Variants in TENM4 observed in about 807,000 individuals in gnomAD.
TENM4 encodes teneurin transmembrane protein 4.
A neutral mutation model predicts 243.3 loss-of-function variants in TENM4; 82 were observed. That is an observed-to-expected ratio of 0.34 (90% confidence interval 0.28 to 0.40). The LOEUF (loss-of-function observed/expected upper bound fraction) is 0.40. Among genes scored for constraint, TENM4 ranks in the 10% least tolerant of loss-of-function variants. The pLI, the probability that TENM4 is intolerant of heterozygous loss-of-function variation, is 1.00. For missense variants in TENM4, 3,138 were observed against 3,673.3 expected, an observed-to-expected ratio of 0.85 and a Z score of 3.77; for synonymous variants, 1,412 against 1,456.3, an observed-to-expected ratio of 0.97 and a Z score of 0.69.
chr11:79,279,531 A>G (rs1043402990), intron 2 of TENM4, among the ~76,000 whole-genome samples: 6 of 152,138 alleles, frequency 3.9e-5, no homozygotes, highest in African/African-American at 7.2e-5. Context: ...TGGTCTCTCT[A>G]TATGCCTCTC....
intron 1 of TENM4, among the ~76,000 whole-genome samples, chr11:79,409,741 A>G (rs1471514633): frequency 6.6e-6 from 1 of 152,206 alleles, no homozygotes; most frequent in East Asian, 1.9e-4. Flanking sequence ...CAAGTCAGAC[A>G]CATATTTCTC....
chr11:78,684,381 A>G lies in TENM4; in HGVS notation c.5260+3673T>C, dbSNP rs529809291. Among the ~76,000 whole-genome samples the G allele has an allele frequency of 1.5e-3, 222 of 152,362 alleles. 1 individual carries two copies. The highest frequency in any genetic ancestry group is 5.1e-3 in the African/African-American group (211 of 41,582). On this transcript the variant is annotated intron_variant, in intron 29 of 33. Coordinates refer to ENST00000278550, the MANE Select transcript of TENM4 (RefSeq NM_001098816.3). ...CTGAGGATTGAGTGAGATCATGAAT[A>G]TGAAGAGCTGAGAACTGTACTTGGC... is the stretch of plus-strand genomic sequence containing the variant.
At chr11:79,004,850 G>C (rs1229344333) in intron 6 of TENM4, among the ~76,000 whole-genome samples, 5 of 146,350 alleles carry the variant, frequency 3.4e-5, no homozygotes, top group Non-Finnish European at 7.5e-5. Flanking sequence ...CAAGCTGCTA[G>C]CTAGGCTAAT....
chr11:79,340,439 C>T (rs1170309040), intron 1 of TENM4, among the ~76,000 whole-genome samples: 3 of 152,124 alleles, frequency 2.0e-5, no homozygotes, highest in Non-Finnish European at 4.4e-5. Context: ...CAGACATACA[C>T]ACTACAAGCT....
chr11:79,343,240 A>T (rs1241305733), intron 1 of TENM4, among the ~76,000 whole-genome samples: 1 of 152,244 alleles, frequency 6.6e-6, no homozygotes, highest in East Asian at 1.9e-4. Context: ...GGTGCTTCAC[A>T]TGCATTATGG....
chr11:78,719,439 C>T (rs1024075876), intron 25 of TENM4, among the ~76,000 whole-genome samples: 1 of 152,150 alleles, frequency 6.6e-6, no homozygotes, highest in Non-Finnish European at 1.5e-5. Flanking sequence ...ACAATTATTA[C>T]ATGAATAATG....
intron 33 of TENM4, among the ~76,000 whole-genome samples, chr11:78,659,567 T>C (rs1857981380): frequency 6.6e-6 from 1 of 152,130 alleles, no homozygotes; most frequent in African/African-American, 2.4e-5. Flanking sequence ...TGCCGTCAGA[T>C]GGAGGATTGG....
intron 15 of TENM4, among the ~76,000 whole-genome samples, chr11:78,799,826 G>A (rs909233711): frequency 6.6e-6 from 1 of 152,212 alleles, no homozygotes; most frequent in Non-Finnish European, 1.5e-5. Context: ...TATTGCTTCT[G>A]TGAGCCAGCA....
chr11:78,925,056 A>G (rs1856525223), intron 6 of TENM4, among the ~76,000 whole-genome samples: 1 of 152,190 alleles, frequency 6.6e-6, no homozygotes, highest in African/African-American at 2.4e-5. Flanking sequence ...TACAAACCCT[A>G]GTTTCTTTCT....
intron 3 of TENM4, among the ~76,000 whole-genome samples, chr11:79,180,765 G>T (rs914082422): frequency 6.6e-6 from 1 of 151,272 alleles, no homozygotes; most frequent in African/African-American, 2.4e-5. Flanking sequence ...GATCCCTTGA[G>T]CCTAAGAGCT....
At chr11:78,977,181 A>G (rs1350242726) in intron 6 of TENM4, among the ~76,000 whole-genome samples, 2 of 152,146 alleles carry the variant, frequency 1.3e-5, no homozygotes, top group Non-Finnish European at 2.9e-5. Context: ...TTATCATCAC[A>G]TGTGTGCTCC....
At chr11:79,267,631 C>T (rs1177387319) in intron 2 of TENM4, among the ~76,000 whole-genome samples, 1 of 152,062 alleles carries the variant, frequency 6.6e-6, no homozygotes, top group Admixed American at 6.5e-5. Context: ...TCATCTTTAC[C>T]TCCATGGTAT....
intron 2 of TENM4, among the ~76,000 whole-genome samples, chr11:79,262,590 A>G (rs1344340840): frequency 1.3e-5 from 2 of 152,216 alleles, no homozygotes; most frequent in Non-Finnish European, 2.9e-5. Flanking sequence ...TACAGCAAGA[A>G]GAGATGCTTC....
intron 1 of TENM4, among the ~76,000 whole-genome samples, chr11:79,358,321 C>T (rs1445181024): frequency 6.6e-6 from 1 of 152,188 alleles, no homozygotes; most frequent in Non-Finnish European, 1.5e-5. Flanking sequence ...AATATTACAT[C>T]TTGTTGATCA....
chr11:78,879,214 A>G (rs1195610916), intron 9 of TENM4, among the ~76,000 whole-genome samples: 31 of 114,252 alleles, frequency 2.7e-4, no homozygotes, highest in African/African-American at 8.0e-4. Context: ...AGGAAGTGAG[A>G]AGCGCCTCTG....
rs1857821272 is a variant in TENM4, at chr11:78,653,588, A to T, written c.*4470T>A. ...AAGCTGCGGGTTCAGAGGTGCTCAG[A>T]ACAACAGGTGGATTTAGAAAAGTGG... On this transcript the variant is annotated 3_prime_UTR_variant, in exon 34 of 34. Transcript: ENST00000278550. The T allele has an allele frequency of 6.6e-6, 1 of 152,248 alleles. No homozygotes were observed. The highest frequency in any genetic ancestry group is 2.1e-4 in the South Asian group (1 of 4,832). 9.4% of individuals were successfully genotyped at this position (152,248 alleles called of 1,614,324 possible).
intron 6 of TENM4, among the ~76,000 whole-genome samples, chr11:79,015,880 C>T (rs1858762056): frequency 6.6e-6 from 1 of 152,162 alleles, no homozygotes; most frequent in Non-Finnish European, 1.5e-5. Flanking sequence ...GGCATGAATT[C>T]TGATAAGGTG....
At chr11:79,165,772 G>T (rs1157033415) in intron 3 of TENM4, among the ~76,000 whole-genome samples, 2 of 152,122 alleles carry the variant, frequency 1.3e-5, no homozygotes, top group African/African-American at 4.8e-5. Flanking sequence ...ATTGTTTCAG[G>T]TCTTAGGCTG....
At chr11:79,008,188 G>A (rs1036931876) in intron 6 of TENM4, among the ~76,000 whole-genome samples, 1 of 152,142 alleles carries the variant, frequency 6.6e-6, no homozygotes. Flanking sequence ...AGGTGTCAGA[G>A]AGCTGGTTTT....
Sources: gnomAD v4.1 joint callset for allele counts (sites outside exome capture counted in the v4.1 genomes callset) on GRCh38, gnomAD v4.1.1 for gene constraint, MANE v1.5 for transcripts, NCBI Gene and HGNC (gene_info 2026-07-23, HGNC 2026-07-21) for gene names.